LOXL2: variants seen among roughly 807,000 people sequenced by gnomAD.
LOXL2 encodes the protein lysyl oxidase like 2.
Under a neutral mutation model 93.0 loss-of-function variants are expected in LOXL2, and 70 were observed. That is an observed-to-expected ratio of 0.75 (90% CI 0.62 to 0.92). The LOEUF is 0.92. LOXL2 is among the 40% of genes least tolerant of loss of function. LOXL2 has a pLI of 0.00. For missense variants in LOXL2, 973 were observed against 1,054.9 expected (o/e 0.92, Z 1.08); for synonymous variants, 438 against 413.2 (o/e 1.06, Z -0.73).
intron 6 of LOXL2, 138 bp from the exon 7 acceptor site, chr8:23,322,419 G>A: frequency 6.0e-6 from 4 of 664,756 alleles, no homozygotes; most frequent in African/African-American, 1.8e-5. Context: ...TCAGCTCAAT[G>A]ACCCAAGCCT....
At chr8:23,381,541 A>C (rs2117226376) in intron 1 of LOXL2, among the ~76,000 whole-genome samples, 1 of 152,326 alleles carries the variant, frequency 6.6e-6, no homozygotes, top group Middle Eastern at 3.4e-3. Context: ...TTGTTTTAAC[A>C]AGCATTCTTT....
chr8:23,333,580 T>C lies in LOXL2; in HGVS notation c.787A>G (p.Met263Val). Residue 263 changes from methionine (M) to valine (V), a missense_variant, in exon 5 of 14, where the codon ATG becomes GTG. Met to Val is a conservative substitution (Grantham distance 21). Transcript: ENST00000389131. ...TGGGCCTCTGTGCCGGTGCAGTCCA[T>C]GGAGAATGGCCAGTAGCGCTGCTTC... ...RRKQRYWPFS[M>V]DCTGTEAHIS... 2 of 1,613,824 alleles carry C rather than the reference T, an allele frequency of 1.2e-6. No homozygotes were observed. The highest frequency in any genetic ancestry group is 1.7e-6 in the Non-Finnish European group (2 of 1,180,034).
chr8:23,298,828 G>A lies in LOXL2; in HGVS notation c.2245+8C>T, dbSNP rs759716054. On this transcript the variant is annotated splice_region_variant and intron_variant, in intron 13 of 13. Transcript: ENST00000389131. ...CTGCTTCCTGGAGTGGGGGCGGCCT[G>A]GCCTTACCTATGTGGCAGTTGTACA... is the stretch of plus-strand genomic sequence containing the variant. 1 of 1,587,686 alleles carries A rather than the reference G, an allele frequency of 6.3e-7. No individual in the cohort carries two copies. Among genetic ancestry groups the A allele is most frequent in the Non-Finnish European group, 8.6e-7 (1 of 1,156,302 alleles).
At chr8:23,345,209 C>T (rs1393108032) in intron 3 of LOXL2, among the ~76,000 whole-genome samples, 5 of 152,174 alleles carry the variant, frequency 3.3e-5, no homozygotes, top group Non-Finnish European at 7.3e-5. Flanking sequence ...AACAAGTATG[C>T]AAATTGAGTT....
chr8:23,379,509 G>T (rs1804643754), intron 1 of LOXL2, among the ~76,000 whole-genome samples: 1 of 152,208 alleles, frequency 6.6e-6, no homozygotes, highest in Non-Finnish European at 1.5e-5. Context: ...GCTGCCTTTT[G>T]TTCGGCCATG....
intron 3 of LOXL2, among the ~76,000 whole-genome samples, chr8:23,350,597 TC>T (rs1208588259): frequency 6.6e-6 from 1 of 152,164 alleles, no homozygotes; most frequent in Non-Finnish European, 1.5e-5. Context: ...CTGGTAACAT[TC>T]TTTAGCCTGT....
At chr8:23,381,649 C>T (rs1026305817) in intron 1 of LOXL2, among the ~76,000 whole-genome samples, 1 of 152,212 alleles carries the variant, frequency 6.6e-6, no homozygotes, top group Non-Finnish European at 1.5e-5. Flanking sequence ...GCCTTATACC[C>T]CTTTTTCTAC....
At chr8:23,372,458 T>C (rs1804511802) in intron 1 of LOXL2, among the ~76,000 whole-genome samples, 1 of 152,142 alleles carries the variant, frequency 6.6e-6, no homozygotes, top group African/African-American at 2.4e-5. Context: ...CCTCAAGTGA[T>C]CCATCCGCCT....
chr8:23,360,342 A>C, intron 2 of LOXL2, 77 bp from the exon 3 acceptor site: 19 of 1,102,238 alleles, frequency 1.7e-5, no homozygotes, highest in Non-Finnish European at 2.3e-5. Context: ...CCAGTGTCTC[A>C]CATGGAAAGA....
intron 3 of LOXL2, among the ~76,000 whole-genome samples, chr8:23,351,953 G>T (rs2117195374): frequency 6.6e-6 from 1 of 152,316 alleles, no homozygotes. Flanking sequence ...TGGGACTACA[G>T]GTGTACACCA....
intron 1 of LOXL2, among the ~76,000 whole-genome samples, chr8:23,375,939 C>T (rs1804580234): frequency 6.6e-6 from 1 of 151,950 alleles, no homozygotes; most frequent in Non-Finnish European, 1.5e-5. Flanking sequence ...TTTTTTTCTC[C>T]TGCCTGATTG....
At chr8:23,354,643 C>T (rs1040569269) in intron 3 of LOXL2, among the ~76,000 whole-genome samples, 12 of 151,564 alleles carry the variant, frequency 7.9e-5, no homozygotes, top group Non-Finnish European at 1.5e-4. Context: ...ACACATGGTG[C>T]GCGATGTCAA....
chr8:23,380,573 T>C (rs1421548840), intron 1 of LOXL2, among the ~76,000 whole-genome samples: 2 of 152,180 alleles, frequency 1.3e-5, no homozygotes, highest in Non-Finnish European at 2.9e-5. Flanking sequence ...TACTCCCTCC[T>C]CTGGGGGATT....
At chr8:23,338,425 G>A (rs1803830658) in intron 4 of LOXL2, among the ~76,000 whole-genome samples, 1 of 152,090 alleles carries the variant, frequency 6.6e-6, no homozygotes, top group South Asian at 2.1e-4. Flanking sequence ...CGGGGTGGGG[G>A]GGCCCAAGGT....
chr8:23,375,344 T>C (rs1449796509), intron 1 of LOXL2, among the ~76,000 whole-genome samples: 2 of 152,182 alleles, frequency 1.3e-5, no homozygotes, highest in African/African-American at 4.8e-5. Context: ...TTTTGGTTAC[T>C]GTAGCCTTGT....
chr8:23,354,754 C>G (rs1482814256), intron 3 of LOXL2, among the ~76,000 whole-genome samples: 1 of 151,746 alleles, frequency 6.6e-6, no homozygotes, highest in African/African-American at 2.4e-5. Flanking sequence ...ACTTCCCTCC[C>G]CATGTAGGCA....
At chr8:23,369,820 C>G (rs2117215376) in intron 1 of LOXL2, among the ~76,000 whole-genome samples, 1 of 152,244 alleles carries the variant, frequency 6.6e-6, no homozygotes, top group East Asian at 1.9e-4. Flanking sequence ...ACAGCCTGAC[C>G]CCCTAGTAGT....
In LOXL2 at chr8:23,332,480, T is replaced by C. The variant is rs982332019; in HGVS notation, c.966+921A>G. ...ACCCACACACATACCCCCCACACAC[T>C]CCCATACCCCCCCACTCATACACAC... On this transcript the variant is annotated intron_variant, in intron 5 of 13. Coordinates refer to ENST00000389131, the MANE Select transcript of LOXL2 (RefSeq NM_002318.3). Among the ~76,000 whole-genome samples, 193 of 20,786 alleles carry C rather than the reference T, an allele frequency of 9.3e-3. 14 individuals are homozygous for C. The East Asian group carries it at 0.17, about 19-fold the overall frequency. 13.6% of individuals were successfully genotyped at this position (20,786 alleles called of 152,430 possible).
intron 1 of LOXL2, among the ~76,000 whole-genome samples, chr8:23,371,655 G>A (rs1355952586): frequency 6.7e-6 from 1 of 149,946 alleles, no homozygotes; most frequent in African/African-American, 2.5e-5. Context: ...GGGAGGCTGA[G>A]GCAGGAGAAT....
Sources: allele counts gnomAD v4.1 joint callset (sites outside exome capture counted in the v4.1 genomes callset), GRCh38; gene constraint gnomAD v4.1.1; transcripts MANE v1.5; gene names NCBI Gene and HGNC (gene_info 2026-07-23, HGNC 2026-07-21).